KLRG1: variants seen among roughly 807,000 people sequenced by gnomAD.
KLRG1 encodes killer cell lectin like receptor G1, also known as killer cell lectin-like receptor subfamily G member 1.
Under a neutral mutation model 21.8 loss-of-function variants are expected in KLRG1, and 16 were observed. The ratio of observed to expected loss-of-function variants is 0.73; its 90% CI spans 0.50 to 1.11. The LOEUF is 1.11. Ranked by LOEUF, KLRG1 falls within the 50% of genes most tolerant of loss-of-function variation. The probability of loss-of-function intolerance (pLI) is 0.00; values close to 1 mark genes in which losing one functional copy is unlikely to be tolerated. For synonymous variants in KLRG1, 69 were observed against 75.9 expected, an observed-to-expected ratio of 0.91 and a Z score of 0.47; for missense variants, 173 against 218.3, an observed-to-expected ratio of 0.79 and a Z score of 1.31.
chr12:9,200,306 AT>A, the KLRG1 span: 1 of 1,225,166 alleles, frequency 8.2e-7, no homozygotes, highest in East Asian at 2.4e-5. Context: ...TTGTACCTAC[AT>A]AATCCCTCAA....
the KLRG1 span, among the ~76,000 whole-genome samples, chr12:9,030,977 G>A: frequency 5.3e-5 from 8 of 152,344 alleles, no homozygotes; most frequent in East Asian, 1.9e-4. Context: ...AGCATCTCCC[G>A]GCAGGGGGTA....
At chr12:9,052,446 G>T in the KLRG1 span, among the ~76,000 whole-genome samples, 2 of 152,318 alleles carry the variant, frequency 1.3e-5, no homozygotes, top group South Asian at 4.1e-4. Flanking sequence ...GGACAATCAC[G>T]CCATGCTGAT....
At chr12:8,950,152 C>G (rs1946171446) in exon 1 of KLRG1, 1 of 152,252 alleles carries the variant, frequency 6.6e-6, no homozygotes. Context: ...CTGTTGACCC[C>G]TAGACGAGAG....
chr12:9,128,355 C>A, the KLRG1 span: 32 of 159,136 alleles, frequency 2.0e-4, no homozygotes, highest in African/African-American at 7.2e-4. Flanking sequence ...GCTCCAGATG[C>A]ACAAGTCCGA....
the KLRG1 span, chr12:9,076,751 C>T: frequency 6.2e-7 from 1 of 1,613,836 alleles, no homozygotes; most frequent in African/African-American, 1.3e-5. Context: ...CAGGTGTGCT[C>T]TCACCTTTCT....
the KLRG1 span, among the ~76,000 whole-genome samples, chr12:9,159,662 A>T: frequency 6.6e-6 from 1 of 151,574 alleles, no homozygotes; most frequent in Admixed American, 6.6e-5. Context: ...AGAAGGAGAG[A>T]CCCAAGTGAG....
chr12:9,169,589 T>C, the KLRG1 span: 20 of 1,603,930 alleles, frequency 1.2e-5, no homozygotes, highest in Admixed American at 1.7e-5. Flanking sequence ...GCAGATTATA[T>C]ACCTGTAGCA....
the KLRG1 span, chr12:9,072,510 C>T: frequency 2.5e-6 from 4 of 1,604,730 alleles, no homozygotes; most frequent in Non-Finnish European, 2.5e-6. Context: ...AAGACAAAAT[C>T]AGTTTTTTGC....
chr12:9,009,934 A>AGTACATTATTGCTGTACTCCTCT lies in KLRG1; in HGVS notation c.*406_*428dup. Reference sequence around the variant, plus strand: ...TATACTATTGCTTGTGTACTAGAGAAGTACATTATTGCTGTACTCCTCTGT... The same window carrying AGTACATTATTGCTGTACTCCTCT: ...TATACTATTGCTTGTGTACTAGAGAAGTACATTATTGCTGTACTCCTCTGTACATTATTGCTGTACTCCTCTGT... On this transcript the variant is annotated 3_prime_UTR_variant, in exon 5 of 5. Coordinates refer to ENST00000356986, the MANE Select transcript of KLRG1 (RefSeq NM_005810.4). 6.6e-7 allele frequency: 1 copy of AGTACATTATTGCTGTACTCCTCT among 1,523,348 alleles called. No individual in the cohort carries two copies. The highest frequency in any genetic ancestry group is 2.4e-5 in the East Asian group (1 of 40,840). The allele number at this position is 1,523,348 out of a possible 1,614,324, so 94.4% of individuals were successfully genotyped here. A position where few individuals can be genotyped will look rare whatever the true frequency, so the allele number is the denominator to read the frequency against.
At chr12:9,091,146 A>G in the KLRG1 span, 4 of 1,573,696 alleles carry the variant, frequency 2.5e-6, no homozygotes, top group Admixed American at 1.7e-5. Context: ...TAGGAATGCA[A>G]CTTTTAATTT....
At chr12:9,047,476 T>A in the KLRG1 span, among the ~76,000 whole-genome samples, 2,017 of 152,220 alleles carry the variant, frequency 0.013, 37 homozygotes, top group African/African-American at 0.042. Flanking sequence ...TATAAATTTC[T>A]CAGTTAAAAT....
the KLRG1 span, among the ~76,000 whole-genome samples, chr12:9,191,488 A>T: frequency 1.3e-5 from 2 of 152,100 alleles, no homozygotes; most frequent in Non-Finnish European, 2.9e-5. Flanking sequence ...AAACTGAAAA[A>T]TAAAAATTAA....
At chr12:9,152,156 G>C in the KLRG1 span, 1 of 1,166,466 alleles carries the variant, frequency 8.6e-7, no homozygotes, top group Non-Finnish European at 1.3e-6. Context: ...TATTGGTATG[G>C]TCTTAGTTTG....
At chr12:9,149,468 G>T in the KLRG1 span, 2 of 1,280,528 alleles carry the variant, frequency 1.6e-6, no homozygotes, top group Non-Finnish European at 2.2e-6. Flanking sequence ...TGTCTCAGAT[G>T]TAGGAAAAGC....
chr12:9,102,734 A>G, the KLRG1 span, among the ~76,000 whole-genome samples: 1 of 152,198 alleles, frequency 6.6e-6, no homozygotes, highest in Admixed American at 6.5e-5. Context: ...CACATATATG[A>G]TCACCCCAAA....
chr12:9,004,333 G>A (rs1287923552), intron 3 of KLRG1, among the ~76,000 whole-genome samples: 1 of 152,158 alleles, frequency 6.6e-6, no homozygotes, highest in Non-Finnish European at 1.5e-5. Context: ...GTGTAAAAGT[G>A]TTCCTATTTC....
chr12:8,962,727 AAAAAAG>A (rs1476541950), intron 1 of KLRG1, among the ~76,000 whole-genome samples: 1 of 151,818 alleles, frequency 6.6e-6, no homozygotes, highest in African/African-American at 2.4e-5. Context: ...CAAAAAAAAA[AAAAAAG>A]AAAGAAAGAA....
chr12:9,009,768 T>G lies in KLRG1; in HGVS notation c.*231T>G. 1 of 1,415,724 alleles carries G rather than the reference T, an allele frequency of 7.1e-7. No homozygotes were observed. The highest frequency in any genetic ancestry group is 2.6e-5 in the East Asian group (1 of 38,956). The allele number at this position is 1,415,724 out of a possible 1,614,324, so 87.7% of individuals were successfully genotyped here. ...ATTTAAAGACCAGATCTAAGCAAAT[T>G]TTGAAATAGATGTTTGTTTTTTGTA... On this transcript the variant is annotated 3_prime_UTR_variant, in exon 5 of 5. Coordinates refer to ENST00000356986, the MANE Select transcript of KLRG1 (RefSeq NM_005810.4).
At chr12:9,005,257 A>ACT (rs1450978251) in intron 3 of KLRG1, among the ~76,000 whole-genome samples, 1 of 152,194 alleles carries the variant, frequency 6.6e-6, no homozygotes, top group Non-Finnish European at 1.5e-5. Flanking sequence ...AATGTAGGTG[A>ACT]CTAGTTGATG....
Sources: allele counts gnomAD v4.1 joint callset (sites outside exome capture counted in the v4.1 genomes callset), GRCh38; gene constraint gnomAD v4.1.1; transcripts MANE v1.5; gene names NCBI Gene and HGNC (gene_info 2026-07-23, HGNC 2026-07-21).